Variants in EDIL3 observed in about 807,000 individuals in gnomAD.
EDIL3 encodes the protein EGF like and discoidin domains 3.
A neutral mutation model predicts 67.4 loss-of-function variants in EDIL3; 37 were observed. That is an observed-to-expected ratio of 0.55 (90% CI 0.42 to 0.72). The LOEUF is 0.72. Ranked by LOEUF, EDIL3 falls within the 30% of genes least tolerant of loss-of-function variation. EDIL3 has a pLI of 0.00. For missense variants in EDIL3, 527 were observed against 586.3 expected (o/e 0.90, Z 1.04); for synonymous variants, 195 against 196.3 (o/e 0.99, Z 0.05).
chr5:84,252,705 G>A (rs1254895533), intron 2 of EDIL3, among the ~76,000 whole-genome samples: 2 of 151,658 alleles, frequency 1.3e-5, no homozygotes, highest in East Asian at 3.9e-4. Flanking sequence ...TTCTACTAGG[G>A]GTATTTATGA....
At chr5:84,311,995 A>G (rs1746399392) in intron 1 of EDIL3, among the ~76,000 whole-genome samples, 1 of 152,232 alleles carries the variant, frequency 6.6e-6, no homozygotes, top group East Asian at 1.9e-4. Context: ...CGATTTCTCA[A>G]TCCTTTCCCC....
intron 4 of EDIL3, among the ~76,000 whole-genome samples, chr5:84,179,381 T>C (rs952992000): frequency 6.6e-6 from 1 of 152,168 alleles, no homozygotes; most frequent in Non-Finnish European, 1.5e-5. Context: ...GTAGTTTAGA[T>C]GCCCGTTGTA....
chr5:84,319,515 A>G lies in EDIL3; in HGVS notation c.67+64793T>C, dbSNP rs1746587588. 4.8e-5 allele frequency among the ~76,000 whole-genome samples: 3 copies of G among 62,374 alleles called. 1 individual carries two copies. Among genetic ancestry groups the G allele is most frequent in the African/African-American group, 1.6e-4 (3 of 19,242 alleles). The allele number at this position is 62,374 out of a possible 152,430, so 40.9% of individuals were successfully genotyped here. ...ACAACAAAAAAAAAAAAAAAAAAAA[A>G]AAAAAAAAGAAATAGGAATGCTTTT... On this transcript the variant is annotated intron_variant, in intron 1 of 10. Coordinates refer to ENST00000296591, the MANE Select transcript of EDIL3 (RefSeq NM_005711.5).
rs551217546 is a variant in EDIL3, at chr5:84,074,042, C to T, written c.652-7436G>A. Among the ~76,000 whole-genome samples the T allele has an allele frequency of 1.4e-3, 217 of 151,870 alleles. 1 individual carries two copies. The highest frequency in any genetic ancestry group is 5.0e-3 in the African/African-American group (205 of 41,364). On this transcript the variant is annotated intron_variant, in intron 6 of 10. Transcript: ENST00000296591. ...AGAACAGAGCCCTCAGAAATAATGC[C>T]GCATATCTACAACTATCTGATCTTT...
chr5:84,204,900 G>A (rs1257780079), intron 3 of EDIL3, among the ~76,000 whole-genome samples: 8 of 151,158 alleles, frequency 5.3e-5, no homozygotes, highest in Non-Finnish European at 1.2e-4. Flanking sequence ...GCCTTGATAC[G>A]TAAAATAGTA....
intron 9 of EDIL3, among the ~76,000 whole-genome samples, chr5:83,968,890 A>T (rs997626500): frequency 1.3e-5 from 2 of 151,894 alleles, no homozygotes; most frequent in African/African-American, 4.8e-5. Flanking sequence ...AATTTTAATT[A>T]TCTTTTTCAT....
At chr5:84,158,102 A>T (rs1748527047) in intron 4 of EDIL3, among the ~76,000 whole-genome samples, 1 of 152,098 alleles carries the variant, frequency 6.6e-6, no homozygotes, top group African/African-American at 2.4e-5. Flanking sequence ...TTCTTTAAAA[A>T]TTGTAAAACC....
intron 2 of EDIL3, among the ~76,000 whole-genome samples, chr5:84,232,284 T>C (rs536117768): frequency 1.3e-5 from 2 of 152,142 alleles, no homozygotes; most frequent in East Asian, 3.9e-4. Flanking sequence ...AGGAGAGAAA[T>C]CCTTTCAAGA....
chr5:84,187,096 C>T (rs925399583), intron 3 of EDIL3, among the ~76,000 whole-genome samples: 2 of 152,004 alleles, frequency 1.3e-5, no homozygotes, highest in Non-Finnish European at 2.9e-5. Context: ...ATCAATAATG[C>T]TGTAATACTT....
At chr5:84,242,518 C>G (rs1744816964) in intron 2 of EDIL3, among the ~76,000 whole-genome samples, 1 of 152,100 alleles carries the variant, frequency 6.6e-6, no homozygotes, top group African/African-American at 2.4e-5. Context: ...TTATTTTTGG[C>G]TAGGTGCTGT....
chr5:84,074,421 A>C (rs1457811491), intron 6 of EDIL3, among the ~76,000 whole-genome samples: 1 of 152,238 alleles, frequency 6.6e-6, no homozygotes, highest in Non-Finnish European at 1.5e-5. Context: ...AACCCACAAA[A>C]TGGGAGAAAA....
At chr5:84,008,899 G>A (rs541805665) in intron 9 of EDIL3, among the ~76,000 whole-genome samples, 35 of 152,164 alleles carry the variant, frequency 2.3e-4, no homozygotes, top group African/African-American at 7.5e-4. Context: ...TGCAACCTCC[G>A]CCTCCCAGGC....
At chr5:84,172,833 G>A (rs912658405) in intron 4 of EDIL3, among the ~76,000 whole-genome samples, 1 of 152,120 alleles carries the variant, frequency 6.6e-6, no homozygotes, top group Non-Finnish European at 1.5e-5. Context: ...GCCAGGTAGA[G>A]GGCATTAAGT....
intron 6 of EDIL3, among the ~76,000 whole-genome samples, chr5:84,099,709 C>T (rs923284876): frequency 6.6e-6 from 1 of 152,048 alleles, no homozygotes; most frequent in Non-Finnish European, 1.5e-5. Context: ...GCAATGACAA[C>T]AAAAGCCAAA....
In EDIL3 at chr5:84,312,337, AC is replaced by A. The variant is rs1383944481; in HGVS notation, c.68-58126del. The stretch of plus-strand genomic sequence containing the variant: ...GGGCGGCTGGCCGGGTGGGGGGCTG[AC>A]CCCCCCACCTCCCTCCCGGACGGGG... On this transcript the variant is annotated intron_variant, in intron 1 of 10. Transcript: ENST00000296591. 2.7e-4 allele frequency among the ~76,000 whole-genome samples: 33 copies of A among 121,776 alleles called. 1 individual carries two copies. Among genetic ancestry groups the A allele is most frequent in the Non-Finnish European group, 5.0e-4 (29 of 58,064 alleles). The allele number at this position is 121,776 out of a possible 152,430, so 79.9% of individuals were successfully genotyped here.
chr5:84,362,912 C>T (rs142226348), intron 1 of EDIL3, among the ~76,000 whole-genome samples: 1 of 152,018 alleles, frequency 6.6e-6, no homozygotes, highest in Admixed American at 6.6e-5. Context: ...ATGTCACTTC[C>T]CAAAGAACAG....
chr5:84,229,914 G>T, intron 2 of EDIL3, 30 bp from the exon 3 acceptor site: 3 of 1,596,176 alleles, frequency 1.9e-6, no homozygotes, highest in South Asian at 1.1e-5. Flanking sequence ...TGAAATGGGG[G>T]TGGGGTAGAA....
At chr5:84,172,255 A>C in intron 4 of EDIL3, among the ~76,000 whole-genome samples, 1 of 152,314 alleles carries the variant, frequency 6.6e-6, no homozygotes, top group East Asian at 1.9e-4. Flanking sequence ...AAGTGTCAGT[A>C]ATAACTTCAG....
intron 9 of EDIL3, among the ~76,000 whole-genome samples, chr5:84,006,892 T>A (rs978309010): frequency 6.6e-6 from 1 of 151,816 alleles, no homozygotes. Flanking sequence ...AGAATTATAC[T>A]ACAGAACCAC....
Sources: allele counts gnomAD v4.1 joint callset (sites outside exome capture counted in the v4.1 genomes callset), GRCh38; gene constraint gnomAD v4.1.1; transcripts MANE v1.5; gene names NCBI Gene and HGNC (gene_info 2026-07-23, HGNC 2026-07-21).